Variants in ITPR2 observed in about 807,000 individuals in gnomAD.
The protein encoded by ITPR2 is inositol 1,4,5-trisphosphate receptor type 2, also known as inositol 1,4,5-trisphosphate-gated calcium channel ITPR2.
ITPR2 carries 207 observed loss-of-function variants against 317.1 expected under a neutral mutation model. The observed-to-expected ratio is 0.65, with a 90% CI of 0.58 to 0.73. The LOEUF is 0.73. Among genes scored for constraint, ITPR2 ranks in the 30% least tolerant of loss-of-function variants. ITPR2 has a pLI of 0.00. For synonymous variants in ITPR2, 1,156 were observed against 1,149.1 expected (o/e 1.01, Z -0.12); for missense variants, 2,613 against 3,284.0 (o/e 0.80, Z 4.99).
chr12:26,419,398 C>A, intron 49 of ITPR2, 185 bp from the exon 50 acceptor site: 1 of 556,314 alleles, frequency 1.8e-6, no homozygotes. Context: ...CATAATTTCT[C>A]ATTTTGTAGG....
At chr12:26,610,431 G>A (rs1946235985) in intron 26 of ITPR2, among the ~76,000 whole-genome samples, 1 of 152,030 alleles carries the variant, frequency 6.6e-6, no homozygotes, top group East Asian at 1.9e-4. Flanking sequence ...CTTTCAAAAA[G>A]TAATGAGATG....
chr12:26,436,352 A>C lies in ITPR2; in HGVS notation c.6644-6T>G. The C allele has an allele frequency of 6.2e-7, 1 of 1,600,982 alleles. No homozygotes were observed. Among genetic ancestry groups the C allele is most frequent in the Non-Finnish European group, 8.5e-7 (1 of 1,176,256 alleles). On this transcript the variant is annotated splice_polypyrimidine_tract_variant and splice_region_variant and intron_variant, in intron 47 of 56. Transcript: ENST00000381340. The stretch of plus-strand genomic sequence containing the variant: ...CCAGAACAGTGCAGGGTTATCTAGG[A>C]AGTGAGAAATGTAAAGGAACTGAAC...
rs1419011322 is a variant in ITPR2 at position 26,666,054 on chromosome 12, A to G, written c.1410-3T>C. On this transcript the variant is annotated splice_region_variant and splice_polypyrimidine_tract_variant and intron_variant, in intron 13 of 56. Transcript: ENST00000381340. ...CTTCCAATAATTTGGTTACAAACCT[A>G]TTACAAAATGAAAAGGAAATTTTAC... 3.1e-6 allele frequency: 5 copies of G among 1,604,508 alleles called. No individual in the cohort carries two copies. The highest frequency in any genetic ancestry group is 3.4e-6 in the Non-Finnish European group (4 of 1,177,186).
intron 2 of ITPR2, among the ~76,000 whole-genome samples, chr12:26,746,188 T>TAAA (rs1183210558): frequency 1.1e-5 from 1 of 89,528 alleles, no homozygotes; most frequent in Non-Finnish European, 2.4e-5. Flanking sequence ...TGTGTATTCC[T>TAAA]ACAACACACA....
chr12:26,425,616 C>T (rs1941035058), intron 49 of ITPR2, among the ~76,000 whole-genome samples: 1 of 149,198 alleles, frequency 6.7e-6, no homozygotes, highest in African/African-American at 2.5e-5. Flanking sequence ...TGCAGTGAGC[C>T]GAGATCACGC....
In ITPR2 at chr12:26,561,805, C is replaced by G; in HGVS notation, c.4778G>C (p.Gly1593Ala). ...ATTTCTGTAATCCCAAGCAGGCCCTCCAAGAGCTTCCTTAAAGCGTGGCCC... is the reference window on the plus strand; with the variant it reads ...ATTTCTGTAATCCCAAGCAGGCCCTGCAAGAGCTTCCTTAAAGCGTGGCCC... ...RSGPRFKEAL[G>A]GPAWDYRNII... is the part of the protein sequence containing the mutation. The change falls in exon 35 of 57, where the codon GGA (glycine) becomes GCA (alanine). Residue 1593 changes from glycine (G) to alanine (A), a missense_variant. This residue lies in a region of ITPR2 where 926 missense variants were observed against 1,072.8 expected (regional missense o/e 0.86). Transcript: ENST00000381340. The G allele has an allele frequency of 1.3e-6, 2 of 1,591,168 alleles. No homozygotes were observed. The highest frequency in any genetic ancestry group is 2.3e-5 in the East Asian group (1 of 43,216).
At chr12:26,653,451 A>T (rs1947303352) in intron 21 of ITPR2, among the ~76,000 whole-genome samples, 1 of 152,122 alleles carries the variant, frequency 6.6e-6, no homozygotes, top group South Asian at 2.1e-4. Flanking sequence ...CATGTTGGCC[A>T]GGATGGTCTC....
intron 39 of ITPR2, among the ~76,000 whole-genome samples, chr12:26,488,678 AGACCTCTACAATCCCAT>A (rs145737824): frequency 0.1 from 15,210 of 152,250 alleles, 1,017 homozygotes; most frequent in Non-Finnish European, 0.15. Flanking sequence ...CAGCATCCAC[AGACCTCTACAATCCCAT>A]GAATTAAGCA....
At chr12:26,571,987 A>G (rs898893018) in intron 34 of ITPR2, among the ~76,000 whole-genome samples, 2 of 152,254 alleles carry the variant, frequency 1.3e-5, no homozygotes, top group Non-Finnish European at 1.5e-5. Flanking sequence ...ATTGATCTTT[A>G]CATTGACAGC....
At chr12:26,790,008 A>T in intron 2 of ITPR2, 149 bp downstream of exon 2, 1 of 667,296 alleles carries the variant, frequency 1.5e-6, no homozygotes, top group East Asian at 2.7e-5. Context: ...AAAGAAAAAC[A>T]ATGGAAAAAT....
At chr12:26,762,093 G>A (rs1340800430) in intron 2 of ITPR2, among the ~76,000 whole-genome samples, 1 of 152,124 alleles carries the variant, frequency 6.6e-6, no homozygotes, top group Non-Finnish European at 1.5e-5. Context: ...GCCTACATGA[G>A]TATAGGATAT....
intron 9 of ITPR2, among the ~76,000 whole-genome samples, chr12:26,700,571 G>C (rs1402809572): frequency 2.6e-5 from 4 of 152,216 alleles, no homozygotes; most frequent in Non-Finnish European, 5.9e-5. Context: ...GGGCTCCAGA[G>C]CCACGTCTTT....
Position 26,340,992 on chromosome 12 carries a change from T to TTG in ITPR2, c.7858-666_7858-665dup, listed in dbSNP as rs373004072. ...GGCAGCCTGGGTGTATGTAGGTGTT[T>TTG]TGTGTGTGTGTGTGTTTTTCCTCCA... On this transcript the variant is annotated intron_variant, in intron 55 of 56. Transcript: ENST00000381340. Among the ~76,000 whole-genome samples the TTG allele has an allele frequency of 8.1e-4, 123 of 152,042 alleles. 1 individual carries two copies. Among genetic ancestry groups the TTG allele is most frequent in the Admixed American group, 5.9e-3 (90 of 15,272 alleles).
At chr12:26,681,811 T>A in intron 13 of ITPR2, 63 bp downstream of exon 13, 1 of 1,193,368 alleles carries the variant, frequency 8.4e-7, no homozygotes. Context: ...TTCATTCATA[T>A]CAGGCTTACT....
At chr12:26,638,443 C>T (rs576648028) in intron 21 of ITPR2, among the ~76,000 whole-genome samples, 1 of 152,330 alleles carries the variant, frequency 6.6e-6, no homozygotes, top group Admixed American at 6.5e-5. Context: ...AGAAAGCTCT[C>T]TTGTGCCCTT....
intron 45 of ITPR2, among the ~76,000 whole-genome samples, chr12:26,450,478 G>A (rs868038608): frequency 6.6e-6 from 1 of 152,048 alleles, no homozygotes; most frequent in Non-Finnish European, 1.5e-5. Flanking sequence ...AGAAATAACT[G>A]GTCTTCCCGA....
intron 5 of ITPR2, among the ~76,000 whole-genome samples, chr12:26,717,182 T>A (rs1948754481): frequency 6.6e-6 from 1 of 152,188 alleles, no homozygotes; most frequent in South Asian, 2.1e-4. Flanking sequence ...GTATATTTTA[T>A]ACCAAGTAAA....
chr12:26,757,351 G>A (rs905941497), intron 2 of ITPR2, among the ~76,000 whole-genome samples: 4 of 151,998 alleles, frequency 2.6e-5, no homozygotes, highest in African/African-American at 2.4e-5. Flanking sequence ...GAGTAGCTGG[G>A]ATTATAGGTG....
rs890905226 is a variant in ITPR2 at position 26,338,539 on chromosome 12, C to T, written c.*858G>A. 2 of 152,520 alleles carry T rather than the reference C, an allele frequency of 1.3e-5. No homozygotes were observed. Among genetic ancestry groups the T allele is most frequent in the Non-Finnish European group, 2.9e-5 (2 of 68,030 alleles). 9.4% of individuals were successfully genotyped at this position (152,520 alleles called of 1,614,324 possible). ...ATAAGTTTCTCAATAATTCCTATCA[C>T]TTTTAAGCATTTTCATGTATTAATC... On this transcript the variant is annotated 3_prime_UTR_variant, in exon 57 of 57. Coordinates refer to ENST00000381340, the MANE Select transcript of ITPR2 (RefSeq NM_002223.4).
Sources: gnomAD v4.1 joint callset for allele counts (sites outside exome capture counted in the v4.1 genomes callset) on GRCh38, gnomAD v4.1.1 for gene constraint, gnomAD v4.1.1 regional missense constraint, MANE v1.5 for transcripts, NCBI Gene and HGNC (gene_info 2026-07-23, HGNC 2026-07-21) for gene names.